SPECC1L: variants seen among roughly 807,000 people sequenced by gnomAD.
The protein encoded by SPECC1L is cytospin-A.
Under a neutral mutation model 116.8 loss-of-function variants are expected in SPECC1L, and 40 were observed. That is an observed-to-expected ratio of 0.34 (90% CI 0.27 to 0.45). SPECC1L has a LOEUF of 0.45. Among genes scored for constraint, SPECC1L ranks in the 20% least tolerant of loss-of-function variants. The pLI, the probability that SPECC1L is intolerant of heterozygous loss-of-function variation, is 1.00. For synonymous variants in SPECC1L, 504 were observed against 500.6 expected (o/e 1.01, Z -0.09); for missense variants, 1,110 against 1,373.6 (o/e 0.81, Z 3.03).
chr22:24,319,550 C>G (rs376270591), intron 4 of SPECC1L, among the ~76,000 whole-genome samples: 42 of 152,308 alleles, frequency 2.8e-4, no homozygotes, highest in African/African-American at 9.9e-4. Context: ...TGTACTTTTC[C>G]TTACATTTCT....
intron 2 of SPECC1L, among the ~76,000 whole-genome samples, chr22:24,280,016 A>G (rs567454621): frequency 3.0e-4 from 45 of 150,980 alleles, no homozygotes; most frequent in African/African-American, 1.0e-3. Context: ...TCTTGAATTG[A>G]TGTCTAAAGG....
intron 14 of SPECC1L, among the ~76,000 whole-genome samples, chr22:24,378,390 A>G (rs1307522777): frequency 2.6e-5 from 4 of 152,256 alleles, no homozygotes; most frequent in African/African-American, 9.6e-5. Context: ...CCATATCAGC[A>G]ATAAGGCTGT....
At chr22:24,272,965 A>G (rs772225355) in intron 1 of SPECC1L, among the ~76,000 whole-genome samples, 1 of 152,224 alleles carries the variant, frequency 6.6e-6, no homozygotes, top group Non-Finnish European at 1.5e-5. Flanking sequence ...ATGTTGTGCC[A>G]TAGGAAAGCT....
intron 14 of SPECC1L, among the ~76,000 whole-genome samples, chr22:24,404,736 C>T (rs989380042): frequency 6.6e-6 from 1 of 152,168 alleles, no homozygotes; most frequent in African/African-American, 2.4e-5. Flanking sequence ...TGAGCCCTGG[C>T]CCATGTCAAG....
In SPECC1L at chr22:24,415,224, A is replaced by T; in HGVS notation, c.*601A>T. ...AATCCAGGCGTGTTCAGCCTGAGCTAGGAGAGTATCTAGAGGGCGTGGTGC... is the reference window on the plus strand; with the variant it reads ...AATCCAGGCGTGTTCAGCCTGAGCTTGGAGAGTATCTAGAGGGCGTGGTGC... On this transcript the variant is annotated 3_prime_UTR_variant, in exon 17 of 17. Transcript: ENST00000314328. The T allele has an allele frequency of 6.1e-6, 1 of 162,904 alleles. No homozygotes were observed. The highest frequency in any genetic ancestry group is 1.6e-4 in the South Asian group (1 of 6,114). The allele number at this position is 162,904 out of a possible 1,614,324, so 10.1% of individuals were successfully genotyped here. A position where few individuals can be genotyped will look rare whatever the true frequency, so the allele number is the denominator to read the frequency against.
intron 14 of SPECC1L, among the ~76,000 whole-genome samples, chr22:24,397,507 G>T (rs1000338955): frequency 6.6e-6 from 1 of 152,136 alleles, no homozygotes; most frequent in Non-Finnish European, 1.5e-5. Flanking sequence ...GGTGCTTGGA[G>T]GGTGAGGTTG....
At chr22:24,281,457 A>G (rs955320984) in intron 2 of SPECC1L, among the ~76,000 whole-genome samples, 8 of 152,234 alleles carry the variant, frequency 5.3e-5, no homozygotes, top group Admixed American at 2.6e-4. Context: ...ATACTTCTCA[A>G]TTTATTTAGT....
intron 11 of SPECC1L, among the ~76,000 whole-genome samples, chr22:24,354,730 C>T (rs556612982): frequency 4.7e-5 from 7 of 149,704 alleles, no homozygotes; most frequent in African/African-American, 7.4e-5. Context: ...GGTGTGATCT[C>T]GGCTCGCTGC....
In SPECC1L at chr22:24,283,080, T is replaced by G. The variant is rs147686390; in HGVS notation, c.-38+6277T>G. 7.6e-3 allele frequency among the ~76,000 whole-genome samples: 1,117 copies of G among 147,854 alleles called. 6 individuals are homozygous for G. Among genetic ancestry groups the G allele is most frequent in the South Asian group, 0.013 (60 of 4,588 alleles). Reference sequence around the variant, plus strand: ...GGCGTGAGTCACTGTGCCTGGCCGATAACTTTGTTTTTTTTTGAGATGGGG... The same window carrying G: ...GGCGTGAGTCACTGTGCCTGGCCGAGAACTTTGTTTTTTTTTGAGATGGGG... On this transcript the variant is annotated intron_variant, in intron 2 of 16. Coordinates refer to ENST00000314328, the MANE Select transcript of SPECC1L (RefSeq NM_015330.6).
rs2041829417 is a variant in SPECC1L, at chr22:24,369,249, G to T, written c.3016G>T (p.Ala1006Ser). Residue 1006 changes from alanine (A) to serine (S), a missense_variant, in exon 14 of 17, where the codon GCC becomes TCC. Ala to Ser is a moderately conservative substitution (Grantham distance 99, BLOSUM62 1). Transcript: ENST00000314328. Reference protein sequence around the residue: ...EERKDPLSALAREYGGSKRNA... With the variant: ...EERKDPLSALSREYGGSKRNA... ...AAGGAAAGACCCTCTCTCAGCATTG[G>T]CCAGAGAATATGGAGGATCAAAGAG... 6.2e-7 allele frequency: 1 copy of T among 1,613,854 alleles called. No homozygotes were observed. The highest frequency in any genetic ancestry group is 8.5e-7 in the Non-Finnish European group (1 of 1,179,838).
chr22:24,338,122 A>G (rs908452491), intron 9 of SPECC1L, among the ~76,000 whole-genome samples: 1 of 152,244 alleles, frequency 6.6e-6, no homozygotes, highest in Non-Finnish European at 1.5e-5. Flanking sequence ...ACATAATTAA[A>G]TAACAAAAAC....
At chr22:24,342,775 GA>G (rs2041204897) in intron 10 of SPECC1L, among the ~76,000 whole-genome samples, 1 of 151,878 alleles carries the variant, frequency 6.6e-6, no homozygotes, top group African/African-American at 2.4e-5. Context: ...AAAGACTGGG[GA>G]AAAAAATAAA....
chr22:24,364,395 G>T (rs2041708903), intron 12 of SPECC1L, among the ~76,000 whole-genome samples: 1 of 151,298 alleles, frequency 6.6e-6, no homozygotes, highest in Non-Finnish European at 1.5e-5. Context: ...AGTTGCGGTG[G>T]CTCATGCCTG....
At chr22:24,347,239 T>A in intron 11 of SPECC1L, 63 bp downstream of exon 11, 1 of 1,279,558 alleles carries the variant, frequency 7.8e-7, no homozygotes. Flanking sequence ...CTGGCTTTTT[T>A]GGCAAACTAA....
At chr22:24,344,352 A>G (rs754217463) in intron 10 of SPECC1L, among the ~76,000 whole-genome samples, 24 of 152,164 alleles carry the variant, frequency 1.6e-4, no homozygotes, top group Non-Finnish European at 3.2e-4. Flanking sequence ...TTAAAAAAAA[A>G]AACATTAATC....
In SPECC1L at chr22:24,416,584, C is replaced by G. The variant is rs1174298836; in HGVS notation, c.*1961C>G. On this transcript the variant is annotated 3_prime_UTR_variant, in exon 17 of 17. Transcript: ENST00000314328. ...CAGAGGCCACTCCACCTGTCCGGAT[C>G]CAGCTGTCTGGTCATGGTTTGGTTT... is the stretch of plus-strand genomic sequence containing the variant. 6.6e-6 allele frequency: 1 copy of G among 152,310 alleles called. No individual in the cohort carries two copies. Among genetic ancestry groups the G allele is most frequent in the Non-Finnish European group, 1.5e-5 (1 of 68,088 alleles). The allele number at this position is 152,310 out of a possible 1,614,324, so 9.4% of individuals were successfully genotyped here.
intron 1 of SPECC1L, among the ~76,000 whole-genome samples, chr22:24,276,405 C>T (rs1295090767): frequency 2.6e-5 from 4 of 152,088 alleles, no homozygotes; most frequent in Non-Finnish European, 5.9e-5. Context: ...TGTTCTCCAG[C>T]CTGGGCTACG....
chr22:24,325,493 G>C (rs903369651), intron 6 of SPECC1L, among the ~76,000 whole-genome samples: 1 of 152,088 alleles, frequency 6.6e-6, no homozygotes, highest in Admixed American at 6.5e-5. Context: ...ATTTTATTCT[G>C]TCTGAGTATT....
At chr22:24,344,472 T>C (rs1009309750) in intron 10 of SPECC1L, among the ~76,000 whole-genome samples, 4 of 151,894 alleles carry the variant, frequency 2.6e-5, no homozygotes, top group Admixed American at 6.6e-5. Flanking sequence ...GCTAACGTCA[T>C]ACTTAATCTG....
Sources: allele counts gnomAD v4.1 joint callset (sites outside exome capture counted in the v4.1 genomes callset), GRCh38; gene constraint gnomAD v4.1.1; transcripts MANE v1.5; gene names NCBI Gene and HGNC (gene_info 2026-07-23, HGNC 2026-07-21).